Variants in EMSY observed in about 807,000 individuals in gnomAD.
EMSY encodes the protein BRCA2-interacting transcriptional repressor EMSY.
A neutral mutation model predicts 134.6 loss-of-function variants in EMSY; 26 were observed. That is an observed-to-expected ratio of 0.19 (90% CI 0.14 to 0.27). The LOEUF (loss-of-function observed/expected upper bound fraction) is 0.27, where lower values mean the gene tolerates loss of function less well. Ranked by LOEUF, EMSY falls within the 10% of genes least tolerant of loss-of-function variation. The probability of loss-of-function intolerance (pLI) is 1.00; values close to 1 mark genes in which losing one functional copy is unlikely to be tolerated. For synonymous variants in EMSY, 579 were observed against 577.8 expected, an observed-to-expected ratio of 1.00 and a Z score of -0.03; for missense variants, 1,305 against 1,611.4, an observed-to-expected ratio of 0.81 and a Z score of 3.26.
chr11:76,548,238 T>A (rs965207030), intron 20 of EMSY, among the ~76,000 whole-genome samples: 9 of 152,242 alleles, frequency 5.9e-5, no homozygotes, highest in Non-Finnish European at 2.9e-5. Context: ...TTAGCTTTGA[T>A]CTGAAGTATT....
intron 10 of EMSY, among the ~76,000 whole-genome samples, chr11:76,515,883 A>G (rs1434608091): frequency 1.3e-5 from 2 of 152,178 alleles, no homozygotes; most frequent in African/African-American, 2.4e-5. Context: ...AGTTAACTCT[A>G]CTTTTTCTTG....
Position 76,447,018 on chromosome 11 carries a change from T to C in EMSY, c.70+10T>C. 6.2e-7 allele frequency: 1 copy of C among 1,613,192 alleles called. No homozygotes were observed. The highest frequency in any genetic ancestry group is 8.5e-7 in the Non-Finnish European group (1 of 1,179,458). ...ATTCTTCGAAAATTGGGTATGACGT[T>C]CATTGTTTGTTTTTTACCTCTCTCT... is the stretch of plus-strand genomic sequence containing the variant. On this transcript the variant is annotated intron_variant, in intron 2 of 20. Transcript: ENST00000334736.
At chr11:76,486,350 T>C (rs1276447889) in intron 8 of EMSY, among the ~76,000 whole-genome samples, 4 of 152,162 alleles carry the variant, frequency 2.6e-5, no homozygotes, top group Non-Finnish European at 5.9e-5. Context: ...TGTATACTTA[T>C]GTGACAAACC....
intron 20 of EMSY, 47 bp downstream of exon 21, chr11:76,546,344 G>T (rs1296239960): frequency 4.5e-6 from 7 of 1,561,282 alleles, no homozygotes; most frequent in Non-Finnish European, 6.1e-6. Flanking sequence ...CTTGGGGGTT[G>T]TGGGTTTGTT....
Position 76,546,241 on chromosome 11 carries a change from A to G in EMSY, c.3718A>G (p.Ile1240Val), listed in dbSNP as rs201794807. The change falls in exon 20 of 21, where the codon ATT (isoleucine) becomes GTT (valine). Residue 1240 changes from isoleucine (I) to valine (V), a missense_variant. By Grantham distance (29) the Ile-to-Val change is conservative (BLOSUM62 3). Transcript: ENST00000334736. ...GCCTGCGACAGGCCAGTTCATGCGT[A>G]TTCAGAATGTAGGCCAAAAGAAAGC... 14 of 1,614,064 alleles carry G rather than the reference A, an allele frequency of 8.7e-6. No individual in the cohort carries two copies. In the Admixed American group the frequency reaches 2.3e-4, roughly 27 times the overall value.
chr11:76,536,044 C>T (rs1205043733), exon 15 of EMSY: 1 of 1,563,160 alleles, frequency 6.4e-7, no homozygotes, highest in Non-Finnish European at 8.7e-7. Context: ...TCTGTTAGAA[C>T]TCCAACAGAC....
rs183693883 is a variant in EMSY, at chr11:76,481,340, G to A, written c.1108+8500G>A. Among the ~76,000 whole-genome samples the A allele has an allele frequency of 9.5e-4, 145 of 152,262 alleles. 2 individuals carry two copies. The East Asian group carries it at 0.019, about 20-fold the overall frequency. ...TTACAGGCATGAGCCACCACGCCCG[G>A]CCAGGAGTTTTTGTTTTTCATACCC... On this transcript the variant is annotated intron_variant, in intron 8 of 20. Coordinates refer to ENST00000334736, the Ensembl canonical transcript of EMSY.
chr11:76,523,263 A>G (rs1950711940), exon 12 of EMSY: 11 of 1,613,404 alleles, frequency 6.8e-6, no homozygotes, highest in South Asian at 1.1e-5. Context: ...CCGGGCAAAA[A>G]TGTTGTCACA....
intron 9 of EMSY, among the ~76,000 whole-genome samples, chr11:76,509,136 A>C (rs1950182757): frequency 6.6e-6 from 1 of 152,216 alleles, no homozygotes; most frequent in African/African-American, 2.4e-5. Context: ...AATTATTGTG[A>C]GAATCATCAA....
intron 9 of EMSY, chr11:76,496,748 C>G (rs1225951080): frequency 4.7e-6 from 2 of 430,006 alleles, no homozygotes; most frequent in South Asian, 4.2e-5. Context: ...ATCTTGTATC[C>G]TTTGACCTTG....
chr11:76,525,126 T>C (rs1590973876), intron 12 of EMSY, among the ~76,000 whole-genome samples: 1 of 150,610 alleles, frequency 6.6e-6, no homozygotes, highest in African/African-American at 2.5e-5. Flanking sequence ...AACAGGCTGC[T>C]AGTTGGTTTT....
At chr11:76,549,885 T>A in intron 20 of EMSY, 67 bp from the exon 22 acceptor site, 2 of 1,285,246 alleles carry the variant, frequency 1.6e-6, no homozygotes, top group East Asian at 2.4e-5. Context: ...TTTTTCTTGA[T>A]ATTGTTGGGG....
chr11:76,456,196 C>T (rs1305239504), intron 4 of EMSY, among the ~76,000 whole-genome samples: 1 of 152,154 alleles, frequency 6.6e-6, no homozygotes, highest in African/African-American at 2.4e-5. Flanking sequence ...TGCATATTTA[C>T]ACTTACATCT....
intron 12 of EMSY, 151 bp from the exon 14 acceptor site, chr11:76,526,311 G>A (rs148710458): frequency 5.9e-6 from 3 of 507,314 alleles, no homozygotes; most frequent in South Asian, 7.9e-5. Context: ...CCAAGTCTAC[G>A]ATTTTTGATT....
intron 9 of EMSY, among the ~76,000 whole-genome samples, chr11:76,499,823 A>G (rs960081701): frequency 3.3e-5 from 5 of 151,992 alleles, no homozygotes; most frequent in African/African-American, 7.2e-5. Context: ...TACAGTATAC[A>G]TGTGTTGGCC....
chr11:76,501,628 G>A (rs1949862413), intron 9 of EMSY, among the ~76,000 whole-genome samples: 1 of 152,058 alleles, frequency 6.6e-6, no homozygotes, highest in Non-Finnish European at 1.5e-5. Flanking sequence ...ACGATCAATA[G>A]AGGTTATGTG....
At chr11:76,449,610 C>G (rs1263899797) in intron 2 of EMSY, among the ~76,000 whole-genome samples, 1 of 152,086 alleles carries the variant, frequency 6.6e-6, no homozygotes, top group East Asian at 1.9e-4. Flanking sequence ...ATTTTGCAGG[C>G]TGCAAAATCT....
chr11:76,483,212 T>C (rs1357065099), intron 8 of EMSY, among the ~76,000 whole-genome samples: 2 of 152,216 alleles, frequency 1.3e-5, no homozygotes, highest in East Asian at 3.8e-4. Context: ...TGAGAGATTT[T>C]TGTCACCACC....
exon 9 of EMSY, chr11:76,496,316 C>T: frequency 6.2e-7 from 1 of 1,614,166 alleles, no homozygotes; most frequent in East Asian, 2.2e-5. Flanking sequence ...CCCTAAACAA[C>T]ATCAACAGTC....
Sources: allele counts gnomAD v4.1 joint callset (sites outside exome capture counted in the v4.1 genomes callset), GRCh38; gene constraint gnomAD v4.1.1; transcripts MANE v1.5; gene names NCBI Gene and HGNC (gene_info 2026-07-23, HGNC 2026-07-21).